The following ZC4H2 variants were observed in gnomAD, a reference collection of about 807,000 sequenced individuals.
ZC4H2 encodes zinc finger C4H2 domain-containing protein.
For synonymous variants in ZC4H2, 84 were observed against 66.3 expected (o/e 1.27, Z -1.30); for missense variants, 137 against 173.9 (o/e 0.79, Z 1.19).
chrX:64,936,365 G>A (rs1027196260), intron 1 of ZC4H2, among the ~76,000 whole-genome samples: 1 of 111,409 alleles, frequency 9.0e-6, no homozygotes, highest in Non-Finnish European at 1.9e-5. Flanking sequence ...TATTATCCAG[G>A]AGAACTTCAC....
At chrX:65,015,385 C>A (rs1457154439) in intron 1 of ZC4H2, among the ~76,000 whole-genome samples, 1 of 111,976 alleles carries the variant, frequency 8.9e-6, no homozygotes, top group African/African-American at 3.2e-5. Context: ...TAGGTCAGGT[C>A]TATTCAATTT....
intron 2 of ZC4H2, among the ~76,000 whole-genome samples, chrX:64,920,507 A>G (rs1297617017): frequency 1.8e-5 from 2 of 112,197 alleles, no homozygotes; most frequent in East Asian, 5.6e-4. Context: ...CACTCAGTAA[A>G]TGGGCTAAAT....
At chrX:64,939,395 A>T (rs764171119) in intron 1 of ZC4H2, among the ~76,000 whole-genome samples, 1 of 112,152 alleles carries the variant, frequency 8.9e-6, no homozygotes, top group Admixed American at 9.5e-5. Context: ...TGCTATCCCC[A>T]TCAAGATACC....
chrX:65,000,250 C>T (rs1406085883), intron 1 of ZC4H2, among the ~76,000 whole-genome samples: 1 of 112,062 alleles, frequency 8.9e-6, no homozygotes, highest in Non-Finnish European at 1.9e-5. Context: ...GGAAGGAACA[C>T]ACAGCAATCT....
chrX:65,024,470 A>G (rs917050033), intron 1 of ZC4H2, among the ~76,000 whole-genome samples: 1 of 111,749 alleles, frequency 8.9e-6, no homozygotes, highest in Non-Finnish European at 1.9e-5. Context: ...AACAGCTTAA[A>G]GATGTCTCAA....
At position 64,954,358 on chromosome X, in the gene ZC4H2, A is replaced by ATAAT. The variant is rs1931052388; in HGVS notation, c.53+21966_53+21967insATTA. Among the ~76,000 whole-genome samples, 2 of 65,364 alleles carry ATAAT rather than the reference A, an allele frequency of 3.1e-5. 1 individual carries two copies. The highest frequency in any genetic ancestry group is 1.9e-4 in the African/African-American group (2 of 10,788). The allele number at this position is 65,364 out of a possible 115,157, so 56.8% of individuals were successfully genotyped here. Reference sequence around the variant, plus strand: ...TATATAATTATATATATATATAATTATATATATATATATAATTATATATAT... The same window carrying ATAAT: ...TATATAATTATATATATATATAATTATAATTATATATATATATAATTATATATAT... On this transcript the variant is annotated intron_variant, in intron 1 of 4. Coordinates refer to ENST00000374839, the MANE Select transcript of ZC4H2 (RefSeq NM_018684.4).
intron 1 of ZC4H2, among the ~76,000 whole-genome samples, chrX:65,008,089 C>T (rs761450653): frequency 6.3e-4 from 70 of 111,149 alleles, no homozygotes; most frequent in African/African-American, 1.7e-3. Flanking sequence ...AACCAGAATA[C>T]GTAAGGAGTT....
At chrX:65,004,207 G>T (rs1932610529) in intron 1 of ZC4H2, among the ~76,000 whole-genome samples, 1 of 111,904 alleles carries the variant, frequency 8.9e-6, no homozygotes, top group Non-Finnish European at 1.9e-5. Context: ...TAGAAATAGA[G>T]GGACTCCTCC....
intron 1 of ZC4H2, among the ~76,000 whole-genome samples, chrX:64,984,524 G>A (rs1407726941): frequency 2.7e-5 from 3 of 110,961 alleles, no homozygotes; most frequent in African/African-American, 6.6e-5. Flanking sequence ...TGGGAGTTGG[G>A]GCACAAGACC....
chrX:65,032,734 T>TTTCTTTCCTTCCTTCC (rs558406108), intron 1 of ZC4H2, among the ~76,000 whole-genome samples: 8 of 86,798 alleles, frequency 9.2e-5, no homozygotes, highest in African/African-American at 3.7e-4. Flanking sequence ...TTCTTCTTTC[T>TTTCTTTCCTTCCTTCC]TTCCTTCCTT....
At chrX:65,003,723 A>G (rs770928712) in intron 1 of ZC4H2, among the ~76,000 whole-genome samples, 2 of 109,942 alleles carry the variant, frequency 1.8e-5, no homozygotes, top group Non-Finnish European at 3.8e-5. Flanking sequence ...TAAAAATACA[A>G]GAAATTAGCC....
intron 1 of ZC4H2, among the ~76,000 whole-genome samples, chrX:65,019,183 G>C: frequency 8.9e-6 from 1 of 111,866 alleles, no homozygotes; most frequent in Non-Finnish European, 1.9e-5. Context: ...TTCAAGGTCT[G>C]ATAAGGGACA....
intron 1 of ZC4H2, among the ~76,000 whole-genome samples, chrX:64,931,974 T>C (rs1441456626): frequency 8.9e-6 from 1 of 111,996 alleles, no homozygotes; most frequent in African/African-American, 3.2e-5. Context: ...AATATTATTG[T>C]GTTGTTGTTT....
chrX:64,954,355 ATT>A lies in ZC4H2; in HGVS notation c.53+21968_53+21969del, dbSNP rs1491107132. ...ATATATATAATTATATATATATATA[ATT>A]ATATATATATATATAATTATATATA... On this transcript the variant is annotated intron_variant, in intron 1 of 4. Coordinates refer to ENST00000374839, the MANE Select transcript of ZC4H2 (RefSeq NM_018684.4). Among the ~76,000 whole-genome samples the A allele has an allele frequency of 8.5e-4, 57 of 67,069 alleles. 2 individuals are homozygous for A. Among genetic ancestry groups the A allele is most frequent in the African/African-American group, 7.1e-3 (55 of 7,763 alleles). The allele number at this position is 67,069 out of a possible 115,157, so 58.2% of individuals were successfully genotyped here. A position where few individuals can be genotyped will look rare whatever the true frequency, so the allele number is the denominator to read the frequency against.
At chrX:65,029,756 T>C (rs1040938568) in intron 1 of ZC4H2, among the ~76,000 whole-genome samples, 11 of 111,395 alleles carry the variant, frequency 9.9e-5, no homozygotes, top group Non-Finnish European at 1.7e-4. Context: ...GAAAAATTCC[T>C]GTAACCTGCA....
At chrX:64,932,493 G>A (rs1929805665) in intron 1 of ZC4H2, among the ~76,000 whole-genome samples, 1 of 111,338 alleles carries the variant, frequency 9.0e-6, no homozygotes, top group Admixed American at 9.6e-5. Flanking sequence ...TTATATTTTG[G>A]TGTATATCAA....
At chrX:65,005,157 C>T (rs983235328) in intron 1 of ZC4H2, among the ~76,000 whole-genome samples, 3 of 111,481 alleles carry the variant, frequency 2.7e-5, no homozygotes, top group African/African-American at 6.6e-5. Context: ...CCATACTGCC[C>T]GAAGTTATTT....
At chrX:64,936,334 C>A (rs1930010739) in intron 1 of ZC4H2, among the ~76,000 whole-genome samples, 1 of 110,734 alleles carries the variant, frequency 9.0e-6, no homozygotes, top group African/African-American at 3.3e-5. Context: ...ATGGAACCAA[C>A]AGGGAAAACA....
At chrX:64,955,482 C>A (rs771449015) in intron 1 of ZC4H2, among the ~76,000 whole-genome samples, 5 of 111,288 alleles carry the variant, frequency 4.5e-5, no homozygotes, top group Non-Finnish European at 9.4e-5. Flanking sequence ...CACACTACAG[C>A]AAAACTTCAG....
Sources: gnomAD v4.1 joint callset for allele counts (sites outside exome capture counted in the v4.1 genomes callset) on GRCh38, gnomAD v4.1.1 for gene constraint, MANE v1.5 for transcripts, NCBI Gene and HGNC (gene_info 2026-07-23, HGNC 2026-07-21) for gene names.